Variants in TRPC5 observed in about 807,000 individuals in gnomAD.
TRPC5 encodes the protein transient receptor potential cation channel subfamily C member 5, also known as short transient receptor potential channel 5.
TRPC5 carries 9 observed loss-of-function variants against 56.5 expected under a neutral mutation model. That is an observed-to-expected ratio of 0.16 (90% CI 0.10 to 0.28). TRPC5 has a LOEUF of 0.28. TRPC5 is among the 10% of genes least tolerant of loss of function. The pLI is 1.00. For missense variants in TRPC5, 469 were observed against 748.9 expected (o/e 0.63, Z 4.36); for synonymous variants, 282 against 278.5 (o/e 1.01, Z -0.13).
intron 5 of TRPC5, 113 bp from the exon 6 acceptor site, chrX:111,847,549 T>C: frequency 1.6e-6 from 1 of 638,843 alleles, no homozygotes; most frequent in Admixed American, 3.6e-5. Flanking sequence ...GCATCAAGCA[T>C]TCATTATGCA....
chrX:112,050,601 T>C (rs920695599), intron 1 of TRPC5, among the ~76,000 whole-genome samples: 3 of 112,093 alleles, frequency 2.7e-5, no homozygotes, highest in African/African-American at 9.7e-5. Context: ...CAGATATTTA[T>C]AGATGTGAAA....
intron 2 of TRPC5, among the ~76,000 whole-genome samples, chrX:111,921,974 G>T (rs181583111): frequency 1.3e-3 from 145 of 112,437 alleles, no homozygotes; most frequent in African/African-American, 4.4e-3. Flanking sequence ...GCAGCGAATA[G>T]ATTGAGCTAC....
intron 1 of TRPC5, among the ~76,000 whole-genome samples, chrX:111,981,856 T>C (rs377264789): frequency 2.7e-5 from 3 of 112,174 alleles, no homozygotes; most frequent in East Asian, 5.6e-4. Flanking sequence ...TTATTAGATA[T>C]GGTTTGGCTC....
chrX:111,975,644 C>T (rs751560447), intron 1 of TRPC5, among the ~76,000 whole-genome samples: 1 of 111,578 alleles, frequency 9.0e-6, no homozygotes, highest in Non-Finnish European at 1.9e-5. Context: ...CGCCTGTAAT[C>T]CCAGCATTTT....
At chrX:111,987,573 A>C (rs1432728168) in intron 1 of TRPC5, among the ~76,000 whole-genome samples, 1 of 111,665 alleles carries the variant, frequency 9.0e-6, no homozygotes, top group Non-Finnish European at 1.9e-5. Flanking sequence ...TCCACATATA[A>C]GTCAGATCAT....
chrX:111,914,731 A>T (rs774297094), intron 2 of TRPC5, among the ~76,000 whole-genome samples: 1 of 112,230 alleles, frequency 8.9e-6, no homozygotes, highest in African/African-American at 3.2e-5. Flanking sequence ...TGGACACAGG[A>T]AAGAGTAATC....
chrX:111,783,730 A>C (rs1319113142), intron 7 of TRPC5, among the ~76,000 whole-genome samples: 1 of 110,650 alleles, frequency 9.0e-6, no homozygotes, highest in Middle Eastern at 4.3e-3. Context: ...TCTCTTAATG[A>C]TGTCTTTACT....
intron 7 of TRPC5, among the ~76,000 whole-genome samples, chrX:111,825,771 G>A (rs1187253075): frequency 8.9e-6 from 1 of 111,844 alleles, no homozygotes; most frequent in African/African-American, 3.3e-5. Context: ...CCAAGACGGG[G>A]AGTCGCTGCA....
chrX:111,876,080 G>A (rs1455420878), intron 3 of TRPC5: 2 of 110,623 alleles, frequency 1.8e-5, no homozygotes, highest in East Asian at 2.8e-4. Context: ...AACAAAAACT[G>A]CAGGACCATA....
At chrX:111,944,303 T>TGTGTGTGTGTGAGAGAGAGAGAGA (rs1173179815) in intron 2 of TRPC5, among the ~76,000 whole-genome samples, 4 of 61,393 alleles carry the variant, frequency 6.5e-5, no homozygotes, top group African/African-American at 4.2e-4. Context: ...TGTGTGTGTG[T>TGTGTGTGTGTGAGAGAGAGAGAGA]GAGAGAGAGA....
chrX:111,953,700 C>T (rs1927154445), intron 1 of TRPC5, among the ~76,000 whole-genome samples: 1 of 112,202 alleles, frequency 8.9e-6, no homozygotes, highest in Non-Finnish European at 1.9e-5. Context: ...TGCTAAAGAG[C>T]CCCTTTTCTC....
intron 1 of TRPC5, among the ~76,000 whole-genome samples, chrX:112,003,859 G>A (rs183453842): frequency 9.0e-6 from 1 of 111,721 alleles, no homozygotes; most frequent in South Asian, 3.8e-4. Flanking sequence ...TGCAAAAATG[G>A]AGGGTTTCCC....
intron 7 of TRPC5, among the ~76,000 whole-genome samples, chrX:111,794,558 T>C (rs1250306607): frequency 2.7e-5 from 3 of 112,130 alleles, no homozygotes; most frequent in Admixed American, 9.5e-5. Context: ...TTTGCAGTGA[T>C]TGTCAATGAG....
chrX:111,926,609 A>G (rs113744062), intron 2 of TRPC5, among the ~76,000 whole-genome samples: 5,816 of 111,789 alleles, frequency 0.052, 371 homozygotes, highest in African/African-American at 0.18. Flanking sequence ...ACGAGCAGTG[A>G]TTAACATTTA....
At chrX:112,028,787 A>G (rs1203917002) in intron 1 of TRPC5, among the ~76,000 whole-genome samples, 1 of 111,935 alleles carries the variant, frequency 8.9e-6, no homozygotes, top group Non-Finnish European at 1.9e-5. Context: ...TTGGGTATAT[A>G]CCCAGTAATG....
At chrX:112,058,242 C>T (rs1930384595) in intron 1 of TRPC5, among the ~76,000 whole-genome samples, 2 of 112,187 alleles carry the variant, frequency 1.8e-5, no homozygotes, top group Admixed American at 1.9e-4. Flanking sequence ...GTATAACAGG[C>T]CAGGATGAGA....
intron 2 of TRPC5, among the ~76,000 whole-genome samples, chrX:111,923,114 G>A (rs5985657): frequency 0.024 from 2,670 of 111,406 alleles, 91 homozygotes; most frequent in African/African-American, 0.082. Context: ...TGGTACCAAA[G>A]CCTCCCGTAC....
chrX:111,791,857 G>A (rs954468274), intron 7 of TRPC5, among the ~76,000 whole-genome samples: 1 of 112,339 alleles, frequency 8.9e-6, no homozygotes, highest in Non-Finnish European at 1.9e-5. Context: ...TACACTGTTG[G>A]TGGGAGTGTA....
intron 1 of TRPC5, among the ~76,000 whole-genome samples, chrX:111,981,046 TATGA>T (rs1569529036): frequency 9.2e-6 from 1 of 109,072 alleles, no homozygotes; most frequent in Non-Finnish European, 1.9e-5. Context: ...TATATGTATA[TATGA>T]GAGAGATTTA....
Sources: allele counts gnomAD v4.1 joint callset (sites outside exome capture counted in the v4.1 genomes callset), GRCh38; gene constraint gnomAD v4.1.1; transcripts MANE v1.5; gene names NCBI Gene and HGNC (gene_info 2026-07-23, HGNC 2026-07-21).